Variants in ZNF875 observed in about 807,000 individuals in gnomAD.
ZNF875 encodes the protein zinc finger protein 875.
A neutral mutation model predicts 11.2 loss-of-function variants in ZNF875; 14 were observed. The ratio of observed to expected loss-of-function variants is 1.26; its 90% CI spans 0.83 to 1.96. The LOEUF is 1.96. ZNF875 is among the 30% of genes most tolerant of loss of function. The probability of loss-of-function intolerance (pLI) is 0.00; values close to 1 mark genes in which losing one functional copy is unlikely to be tolerated. For synonymous variants in ZNF875, 301 were observed against 281.1 expected (o/e 1.07, Z -0.71); for missense variants, 752 against 760.4 (o/e 0.99, Z 0.13).
At chr19:37,344,610 C>T in intron 2 of ZNF875, 1 of 1,251,172 alleles carries the variant, frequency 8.0e-7, no homozygotes, top group Non-Finnish European at 1.2e-6. Context: ...TATTTTTCAG[C>T]TGGCAAGCAG....
At chr19:37,318,082 G>A (rs2030390591) in exon 1 of ZNF875, 1 of 155,098 alleles carries the variant, frequency 6.4e-6, no homozygotes, top group Admixed American at 6.5e-5. Context: ...AACTAGGACT[G>A]GCTGCGTCCC....
intron 1 of ZNF875, among the ~76,000 whole-genome samples, chr19:37,319,328 G>A (rs2030812314): frequency 9.2e-6 from 1 of 108,446 alleles, no homozygotes; most frequent in Non-Finnish European, 1.8e-5. Flanking sequence ...TTACAGGTGT[G>A]CTCCACTGCA....
At chr19:37,353,657 G>A (rs1046560751) in intron 4 of ZNF875, among the ~76,000 whole-genome samples, 9 of 152,136 alleles carry the variant, frequency 5.9e-5, no homozygotes, top group African/African-American at 2.2e-4. Flanking sequence ...TCCAGTTTGC[G>A]AAAATTAACT....
At chr19:37,318,825 A>G (rs908396528) in intron 1 of ZNF875, among the ~76,000 whole-genome samples, 8 of 151,620 alleles carry the variant, frequency 5.3e-5, no homozygotes, top group African/African-American at 1.9e-4. Context: ...CCAGCTTATA[A>G]AATCATATTT....
At chr19:37,351,065 A>C (rs1274814867) in intron 4 of ZNF875, among the ~76,000 whole-genome samples, 1 of 151,984 alleles carries the variant, frequency 6.6e-6, no homozygotes, top group Non-Finnish European at 1.5e-5. Flanking sequence ...CGGCCTCCCA[A>C]AGTGCTGGGA....
In ZNF875 at chr19:37,363,464, G is replaced by C; in HGVS notation, c.1612G>C (p.Glu538Gln). 6.2e-7 allele frequency: 1 copy of C among 1,613,842 alleles called. No homozygotes were observed. Among genetic ancestry groups the C allele is most frequent in the Non-Finnish European group, 8.5e-7 (1 of 1,179,854 alleles). ...HSGEKPFMCR[E>Q]CGRRFRQKPN... ...AGGGGAAAAGCCTTTTATGTGCAGG[G>C]AGTGTGGCAGAAGGTTTCGGCAGAA... Residue 538 changes from glutamate (E) to glutamine (Q), a missense_variant, in exon 5 of 5, where the codon GAG becomes CAG. Coordinates refer to ENST00000392153, the MANE Select transcript of ZNF875 (RefSeq NM_001353803.2).
chr19:37,340,890 T>C (rs2972596), intron 2 of ZNF875, among the ~76,000 whole-genome samples: 134,234 of 152,058 alleles, frequency 0.88, 59,560 homozygotes, highest in African/African-American at 0.97. Context: ...CCTCATGATC[T>C]ATCCACCTCG....
intron 4 of ZNF875, among the ~76,000 whole-genome samples, chr19:37,327,871 A>C (rs1247980538): frequency 2.6e-5 from 4 of 152,188 alleles, no homozygotes; most frequent in Non-Finnish European, 5.9e-5. Context: ...TTCATAAGAA[A>C]TGGGTGTAGT....
chr19:37,360,481 G>T (rs535235469), intron 4 of ZNF875, among the ~76,000 whole-genome samples: 1 of 152,216 alleles, frequency 6.6e-6, no homozygotes. Context: ...AGCCTGCTGT[G>T]GTTGTGATAC....
rs761036948 is a variant in ZNF875 at position 37,362,978 on chromosome 19, C to T, written c.1126C>T (p.Arg376Cys). Residue 376 changes from arginine to cysteine, a missense_variant, in exon 5 of 5, where the codon CGC (arginine) becomes TGC (cysteine). By Grantham distance (180) the Arg-to-Cys change is radical. Transcript: ENST00000392153. ...TTGCAGGGAATGTGGGCGTGGCTTT[C>T]GCCAGCATTCACACCTGGTCAGACA... is the stretch of plus-strand genomic sequence containing the variant. Reference protein sequence around the residue: ...YVCRECGRGFRQHSHLVRHKR... With the variant: ...YVCRECGRGFCQHSHLVRHKR... 53 of 1,612,798 alleles carry T rather than the reference C, an allele frequency of 3.3e-5. No homozygotes were observed. Among genetic ancestry groups the T allele is most frequent in the Middle Eastern group, 1.6e-4 (1 of 6,068 alleles).
At chr19:37,315,737 G>T (rs2030150534), upstream of ZNF875, 1 of 151,974 alleles carries the variant, frequency 6.6e-6, no homozygotes, top group African/African-American at 2.4e-5. Flanking sequence ...AAAGTTACAA[G>T]TTTTTTTCTA....
At chr19:37,322,397 T>C (rs1222446708) in intron 2 of ZNF875, among the ~76,000 whole-genome samples, 2 of 152,226 alleles carry the variant, frequency 1.3e-5, no homozygotes, top group East Asian at 3.8e-4. Flanking sequence ...TTTCCTGAGT[T>C]TTCATTTTCT....
chr19:37,317,499 T>A (rs1487610534), upstream of ZNF875, among the ~76,000 whole-genome samples: 3 of 152,184 alleles, frequency 2.0e-5, no homozygotes, highest in Non-Finnish European at 2.9e-5. Context: ...ATAACAAGAC[T>A]GGCGGTGCAC....
At chr19:37,344,362 G>T (rs574664304) in intron 2 of ZNF875, among the ~76,000 whole-genome samples, 1 of 152,108 alleles carries the variant, frequency 6.6e-6, no homozygotes, top group African/African-American at 2.4e-5. Context: ...TGGGGACTGA[G>T]AATTTTTATT....
At chr19:37,333,590 G>A (rs2033735146), upstream of ZNF875, among the ~76,000 whole-genome samples, 1 of 152,116 alleles carries the variant, frequency 6.6e-6, no homozygotes, top group African/African-American at 2.4e-5. Context: ...GGTCTTGGAG[G>A]TGCCTTGTGG....
At position 37,364,165 on chromosome 19, in the gene ZNF875, GT is replaced by G. The variant is rs2040434441; in HGVS notation, c.*391del. 1 of 205,984 alleles carries G rather than the reference GT, an allele frequency of 4.9e-6. No individual in the cohort carries two copies. Among genetic ancestry groups the G allele is most frequent in the African/African-American group, 2.3e-5 (1 of 42,898 alleles). 12.8% of individuals were successfully genotyped at this position (205,984 alleles called of 1,614,324 possible). A position where few individuals can be genotyped will look rare whatever the true frequency, so the allele number is the denominator to read the frequency against. ...AATTGAGAACCTGTCTTCCCATTTG[GT>G]GTGCTTTCCTCCGATTGATCCCAAC... On this transcript the variant is annotated 3_prime_UTR_variant, in exon 5 of 5. Transcript: ENST00000392153.
At chr19:37,314,727 G>A (rs1466085064), upstream of ZNF875, 1 of 149,888 alleles carries the variant, frequency 6.7e-6, no homozygotes, top group Non-Finnish European at 1.5e-5. Flanking sequence ...CTCCAGTCTG[G>A]GCAACAGAGG....
chr19:37,336,458 C>A (rs1055309015), intron 2 of ZNF875, among the ~76,000 whole-genome samples: 7 of 151,160 alleles, frequency 4.6e-5, no homozygotes, highest in African/African-American at 1.7e-4. Flanking sequence ...TGCCACCATG[C>A]CAGGCTAATT....
intron 4 of ZNF875, among the ~76,000 whole-genome samples, chr19:37,354,225 CCTCCCCTCCT>C (rs1157898681): frequency 3.0e-4 from 25 of 82,446 alleles, no homozygotes; most frequent in African/African-American, 1.2e-3. Context: ...TTTCTTTCCC[CCTCCCCTCCT>C]CTCCCCTCCT....
Sources: gnomAD v4.1 joint callset for allele counts (sites outside exome capture counted in the v4.1 genomes callset) on GRCh38, gnomAD v4.1.1 for gene constraint, MANE v1.5 for transcripts, NCBI Gene and HGNC (gene_info 2026-07-23, HGNC 2026-07-21) for gene names.